The following NEK7 variants were observed in gnomAD, a reference collection of about 807,000 sequenced individuals.
NEK7 encodes the protein serine/threonine-protein kinase Nek7.
In NEK7, 18 loss-of-function variants were observed where a neutral mutation model predicts 44.6. The observed-to-expected ratio is 0.40, with a 90% CI of 0.28 to 0.60. The LOEUF is 0.60. NEK7 is among the 20% of genes least tolerant of loss of function. The probability of loss-of-function intolerance (pLI) is 0.38; values close to 1 mark genes in which losing one functional copy is unlikely to be tolerated. For missense variants in NEK7, 256 were observed against 366.5 expected, an observed-to-expected ratio of 0.70 and a Z score of 2.46; for synonymous variants, 130 against 121.1, an observed-to-expected ratio of 1.07 and a Z score of -0.48.
intron 2 of NEK7, among the ~76,000 whole-genome samples, chr1:198,242,060 A>T (rs1458231941): frequency 6.6e-6 from 1 of 152,118 alleles, no homozygotes; most frequent in Non-Finnish European, 1.5e-5. Flanking sequence ...CAAAAATCTC[A>T]ATCATCCTTG....
At chr1:198,160,382 G>GTGTAGC (rs1475847454) in intron 1 of NEK7, among the ~76,000 whole-genome samples, 1 of 151,566 alleles carries the variant, frequency 6.6e-6, no homozygotes, top group African/African-American at 2.4e-5. Context: ...AAAATACACA[G>GTGTAGC]TGTAGCTGCA....
chr1:198,206,848 T>C (rs1019222484), intron 1 of NEK7: 2 of 152,156 alleles, frequency 1.3e-5, no homozygotes, highest in East Asian at 1.9e-4. Context: ...TTAATAACCA[T>C]AGGCATTTTA....
chr1:198,158,118 A>G (rs1322149879), intron 1 of NEK7, among the ~76,000 whole-genome samples: 1 of 152,108 alleles, frequency 6.6e-6, no homozygotes, highest in Non-Finnish European at 1.5e-5. Context: ...TTAGTCTTGC[A>G]CTGGGAGCGT....
chr1:198,246,019 C>A (rs1041225816), intron 2 of NEK7, among the ~76,000 whole-genome samples: 1 of 152,070 alleles, frequency 6.6e-6, no homozygotes, highest in African/African-American at 2.4e-5. Context: ...AAAAATAGTT[C>A]TTTACTTGAG....
intron 3 of NEK7, among the ~76,000 whole-genome samples, chr1:198,254,140 A>G (rs1404190134): frequency 6.6e-6 from 1 of 152,020 alleles, no homozygotes. Context: ...AACAGTTTTA[A>G]TTTACATTTA....
At position 198,232,655 on chromosome 1, in the gene NEK7, AG is replaced by A. The variant is rs751784932; in HGVS notation, c.57+19del. The A allele has an allele frequency of 6.8e-6, 10 of 1,465,544 alleles. No individual in the cohort carries two copies. Among genetic ancestry groups the A allele is most frequent in the Non-Finnish European group, 9.6e-6 (10 of 1,045,342 alleles). The allele number at this position is 1,465,544 out of a possible 1,614,324, so 90.8% of individuals were successfully genotyped here. On this transcript the variant is annotated intron_variant, in intron 2 of 9. Coordinates refer to ENST00000367385, the MANE Select transcript of NEK7 (RefSeq NM_133494.3). ...AACCACAGGTAATTTATCCTAATTAAGATGGGCAGAACTATATATAATCTGT... is the reference window on the plus strand; with the variant it reads ...AACCACAGGTAATTTATCCTAATTAAATGGGCAGAACTATATATAATCTGT...
chr1:198,178,994 C>G (rs1571504975), intron 1 of NEK7, among the ~76,000 whole-genome samples: 1 of 150,874 alleles, frequency 6.6e-6, no homozygotes, highest in African/African-American at 2.4e-5. Flanking sequence ...TTTGATACCC[C>G]CCCCCTTTTT....
At chr1:198,246,158 A>AG (rs1347410991) in intron 2 of NEK7, among the ~76,000 whole-genome samples, 7 of 152,240 alleles carry the variant, frequency 4.6e-5, no homozygotes, top group Non-Finnish European at 8.8e-5. Context: ...ACCGAAGTAT[A>AG]TAGATATATT....
rs1001088294 is a variant in NEK7 at position 198,289,314 on chromosome 1, G to A, written c.590-3631G>A. 7.2e-5 allele frequency among the ~76,000 whole-genome samples: 11 copies of A among 152,086 alleles called. No individual in the cohort carries two copies. The East Asian group carries it at 9.6e-4, about 13-fold the overall frequency. On this transcript the variant is annotated intron_variant, in intron 7 of 9. Transcript: ENST00000367385. ...CTCAGTTCGTTTGTTTGTACTCTCC[G>A]ACTTAAAACACTCTCACTCAGCTGT...
At chr1:198,261,836 C>G (rs527559031) in intron 3 of NEK7, among the ~76,000 whole-genome samples, 2 of 149,910 alleles carry the variant, frequency 1.3e-5, no homozygotes, top group African/African-American at 2.5e-5. Context: ...TATCCTCCCC[C>G]CAAGCTGCCT....
chr1:198,197,567 T>A (rs1665278942), intron 1 of NEK7, among the ~76,000 whole-genome samples: 1 of 152,234 alleles, frequency 6.6e-6, no homozygotes, highest in Non-Finnish European at 1.5e-5. Flanking sequence ...TCATTAGCTG[T>A]ATGATCTATC....
chr1:198,264,076 T>A, intron 4 of NEK7, 49 bp from the exon 5 acceptor site: 2 of 1,539,226 alleles, frequency 1.3e-6, no homozygotes, highest in Non-Finnish European at 1.7e-6. Flanking sequence ...AAGTGACTCT[T>A]GGATATTTAC....
intron 2 of NEK7, among the ~76,000 whole-genome samples, chr1:198,233,253 TTTGC>T (rs1466329049): frequency 6.6e-6 from 1 of 152,154 alleles, no homozygotes; most frequent in African/African-American, 2.4e-5. Context: ...CTGTGATATA[TTTGC>T]TTGTTTCTTG....
chr1:198,312,354 A>G (rs199857814), intron 9 of NEK7, among the ~76,000 whole-genome samples: 62,437 of 139,734 alleles, frequency 0.45, 14,137 homozygotes, highest in East Asian at 0.85. Context: ...TCTTGCTAGC[A>G]GTCTATCAAT....
chr1:198,236,807 C>T (rs536138276), intron 2 of NEK7, among the ~76,000 whole-genome samples: 1 of 152,256 alleles, frequency 6.6e-6, no homozygotes, highest in Admixed American at 6.5e-5. Flanking sequence ...ATCTAAACAA[C>T]AAAATGAAAC....
intron 1 of NEK7, among the ~76,000 whole-genome samples, chr1:198,227,656 A>G (rs928105027): frequency 3.3e-5 from 5 of 152,206 alleles, no homozygotes; most frequent in Admixed American, 6.5e-5. Context: ...TTTTGGCTGC[A>G]TAAATGTCTT....
intron 1 of NEK7, among the ~76,000 whole-genome samples, chr1:198,159,241 C>T (rs1471663205): frequency 2.6e-5 from 4 of 152,000 alleles, no homozygotes; most frequent in African/African-American, 7.2e-5. Context: ...CGCGTTAGTT[C>T]TTTTTCTAGG....
At chr1:198,174,592 G>C (rs530402653) in intron 1 of NEK7, among the ~76,000 whole-genome samples, 1 of 152,240 alleles carries the variant, frequency 6.6e-6, no homozygotes, top group Admixed American at 6.5e-5. Context: ...GGCCTAAGTG[G>C]GGCTTAGTGA....
At chr1:198,195,890 A>G (rs540325223) in intron 1 of NEK7, among the ~76,000 whole-genome samples, 1 of 152,362 alleles carries the variant, frequency 6.6e-6, no homozygotes, top group African/African-American at 2.4e-5. Flanking sequence ...TTTAATAAAT[A>G]GAAGACATTT....
Sources: allele counts gnomAD v4.1 joint callset (sites outside exome capture counted in the v4.1 genomes callset), GRCh38; gene constraint gnomAD v4.1.1; transcripts MANE v1.5; gene names NCBI Gene and HGNC (gene_info 2026-07-23, HGNC 2026-07-21).